KYAT3: variants seen among roughly 807,000 people sequenced by gnomAD.
KYAT3 encodes kynurenine--oxoglutarate transaminase 3.
Under a neutral mutation model 59.0 loss-of-function variants are expected in KYAT3, and 50 were observed. The ratio of observed to expected loss-of-function variants is 0.85; its 90% CI spans 0.68 to 1.07. The LOEUF (loss-of-function observed/expected upper bound fraction) is 1.07, where lower values mean the gene tolerates loss of function less well. Among genes scored for constraint, KYAT3 ranks in the 50% least tolerant of loss-of-function variants. The probability of loss-of-function intolerance (pLI) is 0.00; values close to 1 mark genes in which losing one functional copy is unlikely to be tolerated. For missense variants in KYAT3, 497 were observed against 533.3 expected (o/e 0.93, Z 0.67); for synonymous variants, 148 against 177.0 (o/e 0.84, Z 1.30).
chr1:88,965,250 TG>T (rs1676302559), intron 4 of KYAT3, among the ~76,000 whole-genome samples: 1 of 152,196 alleles, frequency 6.6e-6, no homozygotes, highest in Non-Finnish European at 1.5e-5. Flanking sequence ...GTATTTGCTT[TG>T]AATAAAAATC....
At chr1:88,988,138 A>C in intron 2 of KYAT3, 114 bp downstream of exon 2, 1 of 659,288 alleles carries the variant, frequency 1.5e-6, no homozygotes, top group South Asian at 2.1e-5. Flanking sequence ...CAGCATATGT[A>C]ATAGAAATGT....
chr1:88,970,159 T>G (rs1676500122), intron 2 of KYAT3, among the ~76,000 whole-genome samples: 1 of 152,202 alleles, frequency 6.6e-6, no homozygotes, highest in Non-Finnish European at 1.5e-5. Context: ...ACTAAGAGTT[T>G]CACAAGTAAG....
At chr1:88,967,722 G>T (rs1676397172) in intron 4 of KYAT3, among the ~76,000 whole-genome samples, 1 of 151,926 alleles carries the variant, frequency 6.6e-6, no homozygotes, top group African/African-American at 2.4e-5. Flanking sequence ...TTTCATGTTT[G>T]TATGATCAGT....
rs1255895685 is a variant in KYAT3, at chr1:88,936,156, C to T, written c.*27G>A. 8 of 1,538,436 alleles carry T rather than the reference C, an allele frequency of 5.2e-6. No individual in the cohort carries two copies. Among genetic ancestry groups the T allele is most frequent in the South Asian group, 2.3e-5 (2 of 85,832 alleles). ...AACAATTCCATACTAGGTCATCTAA[C>T]AGAAACATTAATCCATTCTGCACAA... On this transcript the variant is annotated 3_prime_UTR_variant, in exon 14 of 14. Coordinates refer to ENST00000260508, the MANE Select transcript of KYAT3 (RefSeq NM_001008661.3).
Position 88,962,143 on chromosome 1 carries a change from G to T in KYAT3, c.456C>A (p.Val152=). Residue 152 remains valine, a splice_region_variant and synonymous_variant, in exon 6 of 14, where the codon GTC becomes GTA. Coordinates refer to ENST00000260508, the MANE Select transcript of KYAT3 (RefSeq NM_001008661.3). ...AGTCATAGAAAGGCACTATTAGTATGACCTGCAATAAAAGCAAATAAGATC... is the reference window on the plus strand; with the variant it reads ...AGTCATAGAAAGGCACTATTAGTATTACCTGCAATAAAAGCAAATAAGATC... ...IQALIDEGDE[V]ILIVPFYDCY... 1 of 1,609,372 alleles carries T rather than the reference G, an allele frequency of 6.2e-7. No individual in the cohort carries two copies. The highest frequency in any genetic ancestry group is 1.1e-5 in the South Asian group (1 of 90,982).
At chr1:88,951,716 TC>T (rs1675684115) in intron 10 of KYAT3, among the ~76,000 whole-genome samples, 1 of 152,038 alleles carries the variant, frequency 6.6e-6, no homozygotes, top group Non-Finnish European at 1.5e-5. Flanking sequence ...CTTTTTTATC[TC>T]AGTACAGTAA....
intron 8 of KYAT3, among the ~76,000 whole-genome samples, chr1:88,959,022 AATCAC>A (rs1385000465): frequency 6.6e-6 from 1 of 152,192 alleles, no homozygotes; most frequent in East Asian, 1.9e-4. Context: ...TTATGCCTGT[AATCAC>A]AGCCCTTTGG....
the KYAT3 span, chr1:88,923,491 A>G: frequency 6.1e-6 from 1 of 163,134 alleles, no homozygotes; most frequent in South Asian, 1.8e-4. Context: ...GATGCAGCCA[A>G]GAGGCCAACA....
chr1:88,975,606 T>C (rs1381296037), intron 2 of KYAT3, among the ~76,000 whole-genome samples: 1 of 152,286 alleles, frequency 6.6e-6, no homozygotes, highest in African/African-American at 2.4e-5. Flanking sequence ...CATCTGGTTC[T>C]ATCAAACTAA....
chr1:88,942,441 T>A (rs1287587169), intron 13 of KYAT3, among the ~76,000 whole-genome samples: 5 of 152,216 alleles, frequency 3.3e-5, no homozygotes, highest in Non-Finnish European at 2.9e-5. Context: ...CAGGTCATAT[T>A]TTCTTGTGTT....
At chr1:88,991,827 G>C (rs1677813813) in intron 1 of KYAT3, among the ~76,000 whole-genome samples, 1 of 152,240 alleles carries the variant, frequency 6.6e-6, no homozygotes, top group African/African-American at 2.4e-5. Context: ...TCCCCCTCAG[G>C]TGGCCGCCAA....
intron 2 of KYAT3, chr1:88,983,971 A>G: frequency 2.3e-6 from 2 of 882,618 alleles, no homozygotes; most frequent in Non-Finnish European, 3.6e-6. Flanking sequence ...CTACTGCGCA[A>G]TCTGGATGCT....
intron 2 of KYAT3, among the ~76,000 whole-genome samples, chr1:88,977,782 G>A (rs917727369): frequency 2.6e-5 from 4 of 151,682 alleles, no homozygotes; most frequent in African/African-American, 9.7e-5. Flanking sequence ...CTCTATTCAT[G>A]GAAAGTGCTC....
downstream of KYAT3, among the ~76,000 whole-genome samples, chr1:88,935,409 G>C (rs188173781): frequency 2.8e-4 from 42 of 151,754 alleles, no homozygotes; most frequent in Non-Finnish European, 4.7e-4. Context: ...GCACAAGACA[G>C]CAACAATGAG....
Position 88,964,875 on chromosome 1 carries a change from C to T in KYAT3, c.407G>A (p.Gly136Glu), listed in dbSNP as rs201493832. 3 of 1,604,472 alleles carry T rather than the reference C, an allele frequency of 1.9e-6. No individual in the cohort carries two copies. Among genetic ancestry groups the T allele is most frequent in the East Asian group, 2.2e-5 (1 of 44,612 alleles). Reference protein sequence around the residue: ...KEILVTVGAYGSLFNTIQALI... With the variant: ...KEILVTVGAYESLFNTIQALI... ...TGCTTGAATGGTGTTAAAAAGAGAT[C>T]CATATGCTCCTACTGTCACAAGGAT... Residue 136 changes from glycine to glutamate, a missense_variant, in exon 5 of 14, where the codon GGA (glycine) becomes GAA (glutamate). By Grantham distance (98) the Gly-to-Glu change is moderately conservative. Transcript: ENST00000260508.
intron 11 of KYAT3, 66 bp from the exon 12 acceptor site, chr1:88,943,489 G>T: frequency 1.2e-6 from 1 of 832,006 alleles, no homozygotes; most frequent in Non-Finnish European, 2.0e-6. Context: ...TTTCATTTAA[G>T]TCTATCAAGA....
chr1:88,991,232 C>CA (rs1417892857), intron 1 of KYAT3, among the ~76,000 whole-genome samples: 4 of 152,174 alleles, frequency 2.6e-5, no homozygotes, highest in African/African-American at 9.7e-5. Context: ...AGCTAAAAGG[C>CA]AGACAAGCCC....
At chr1:88,933,473 G>C (rs943830893), downstream of KYAT3, among the ~76,000 whole-genome samples, 17 of 152,042 alleles carry the variant, frequency 1.1e-4, 1 homozygote, top group African/African-American at 3.6e-4. Flanking sequence ...AGAAGGAAGG[G>C]AGGGAGGAGG....
Position 88,935,822 on chromosome 1 carries a change from C to T in KYAT3, c.*361G>A, listed in dbSNP as rs1029702597. On this transcript the variant is annotated 3_prime_UTR_variant, in exon 14 of 14. Coordinates refer to ENST00000260508, the MANE Select transcript of KYAT3 (RefSeq NM_001008661.3). ...TATTGTTTGCCAGGCTTTTTGCATACATTAGTCCATTTAATTCTCAGAAAC... is the reference window on the plus strand; with the variant it reads ...TATTGTTTGCCAGGCTTTTTGCATATATTAGTCCATTTAATTCTCAGAAAC... 2 of 405,652 alleles carry T rather than the reference C, an allele frequency of 4.9e-6. No homozygotes were observed. The highest frequency in any genetic ancestry group is 8.7e-6 in the Non-Finnish European group (2 of 229,610). 25.1% of individuals were successfully genotyped at this position (405,652 alleles called of 1,614,324 possible). A position where few individuals can be genotyped will look rare whatever the true frequency, so the allele number is the denominator to read the frequency against.
Sources: allele counts gnomAD v4.1 joint callset (sites outside exome capture counted in the v4.1 genomes callset), GRCh38; gene constraint gnomAD v4.1.1; transcripts MANE v1.5; gene names NCBI Gene and HGNC (gene_info 2026-07-23, HGNC 2026-07-21).